RRM2: variants seen among roughly 807,000 people sequenced by gnomAD.
RRM2 encodes the protein ribonucleoside-diphosphate reductase subunit M2.
Under a neutral mutation model 45.9 loss-of-function variants are expected in RRM2, and 6 were observed. The observed-to-expected ratio is 0.13, with a 90% CI of 0.07 to 0.26. RRM2 has a LOEUF of 0.26. Among genes scored for constraint, RRM2 ranks in the 10% least tolerant of loss-of-function variants. The pLI, the probability that RRM2 is intolerant of heterozygous loss-of-function variation, is 1.00. For synonymous variants in RRM2, 177 were observed against 173.0 expected (o/e 1.02, Z -0.18); for missense variants, 343 against 489.5 (o/e 0.70, Z 2.82).
chr2:10,142,208 A>G (rs375650865), intron 2 of RRM2: 1 of 1,557,218 alleles, frequency 6.4e-7, no homozygotes, highest in African/African-American at 1.4e-5. Flanking sequence ...GGGTGTGTAC[A>G]TGCAGGTCTG....
chr2:10,136,069 A>C (rs1662984833), downstream of RRM2, among the ~76,000 whole-genome samples: 4 of 152,112 alleles, frequency 2.6e-5, no homozygotes, highest in South Asian at 6.2e-4. Flanking sequence ...TTGAGAGCTC[A>C]CATTCCTACC....
At chr2:10,152,428 A>G (rs1241719211) in intron 3 of RRM2, among the ~76,000 whole-genome samples, 1 of 150,420 alleles carries the variant, frequency 6.6e-6, no homozygotes, top group Admixed American at 6.6e-5. Context: ...GTGAAGTCCA[A>G]TTTACTGTTG....
chr2:10,157,922 G>A (rs1663468269), intron 3 of RRM2, among the ~76,000 whole-genome samples: 1 of 152,044 alleles, frequency 6.6e-6, no homozygotes, highest in Non-Finnish European at 1.5e-5. Flanking sequence ...TGGAACCTCG[G>A]GCATCACAGC....
intron 3 of RRM2, among the ~76,000 whole-genome samples, chr2:10,193,637 C>T (rs1032399882): frequency 1.3e-5 from 2 of 152,312 alleles, no homozygotes; most frequent in African/African-American, 4.8e-5. Context: ...GCCTACCACA[C>T]GCCCGGGGAC....
At chr2:10,161,185 G>A (rs1442371783) in intron 3 of RRM2, among the ~76,000 whole-genome samples, 1 of 152,144 alleles carries the variant, frequency 6.6e-6, no homozygotes, top group African/African-American at 2.4e-5. Flanking sequence ...AGCCTCCCAA[G>A]TAGCTGGGAC....
At chr2:10,153,329 G>A (rs890878119) in intron 3 of RRM2, among the ~76,000 whole-genome samples, 5 of 152,102 alleles carry the variant, frequency 3.3e-5, no homozygotes, top group African/African-American at 2.4e-5. Flanking sequence ...GTGAGGCCCT[G>A]TCTCCAAAAA....
intron 3 of RRM2, among the ~76,000 whole-genome samples, chr2:10,189,720 AC>A (rs904996788): frequency 2.6e-5 from 4 of 152,110 alleles, no homozygotes; most frequent in Non-Finnish European, 5.9e-5. Context: ...ACCACTACTG[AC>A]CTCACAGGGT....
At chr2:10,206,186 C>T (rs959922922) in intron 3 of RRM2, among the ~76,000 whole-genome samples, 1 of 148,652 alleles carries the variant, frequency 6.7e-6, no homozygotes, top group African/African-American at 2.5e-5. Flanking sequence ...GCGGAGCTTG[C>T]AGTGAGCTGA....
rs763595587 is a variant in RRM2, at chr2:10,126,938, G to T, written c.633G>T (p.Leu211Phe). The T allele has an allele frequency of 1.9e-6, 3 of 1,614,160 alleles. No homozygotes were observed. The highest frequency in any genetic ancestry group is 2.5e-6 in the Non-Finnish European group (3 of 1,180,014). ...TCAAGAAGAAGGCAGACTGGGCCTTGCGCTGGATTGGGGACAAAGAGGCTA... is the reference window on the plus strand; with the variant it reads ...TCAAGAAGAAGGCAGACTGGGCCTTTCGCTGGATTGGGGACAAAGAGGCTA... ...PCVKKKADWA[L>F]RWIGDKEATY... Residue 211 changes from leucine (L) to phenylalanine (F), a missense_variant, in exon 6 of 10, where the codon TTG (leucine) becomes TTT (phenylalanine). By Grantham distance (22) the Leu-to-Phe change is conservative. Coordinates refer to ENST00000304567, the MANE Select transcript of RRM2 (RefSeq NM_001034.4).
chr2:10,167,908 A>G (rs991845857), intron 3 of RRM2, among the ~76,000 whole-genome samples: 2 of 152,208 alleles, frequency 1.3e-5, no homozygotes, highest in Non-Finnish European at 2.9e-5. Flanking sequence ...TCTTGGAGAC[A>G]GCTCTAAAGC....
intron 3 of RRM2, among the ~76,000 whole-genome samples, chr2:10,200,654 A>AAAATATGAGGCCCACGGGGACCGCGCGCG (rs1558406960): frequency 9.6e-6 from 1 of 103,748 alleles, no homozygotes; most frequent in African/African-American, 4.9e-5. Flanking sequence ...CACCGCGCAC[A>AAAATATGAGGCCCACGGGGACCGCGCGCG]CAAAATATGA....
Position 10,127,855 on chromosome 2 carries a change from T to C in RRM2, c.798+635T>C, listed in dbSNP as rs553442939. Among the ~76,000 whole-genome samples, 4 of 152,108 alleles carry C rather than the reference T, an allele frequency of 2.6e-5. 1 individual carries two copies. The South Asian group carries it at 8.3e-4, about 32-fold the overall frequency. ...ATTTTTGCCTGGTATTAATATGTTA[T>C]CCCTTTTTCCGTAAAAATGTTCATA... On this transcript the variant is annotated intron_variant, in intron 7 of 9. Coordinates refer to ENST00000304567, the MANE Select transcript of RRM2 (RefSeq NM_001034.4). The surrounding 1 kb of genome is among the most constrained non-coding windows in gnomAD (Gnocchi z 4.1).
intron 3 of RRM2, among the ~76,000 whole-genome samples, chr2:10,176,418 G>A (rs1325571707): frequency 2.0e-5 from 3 of 152,104 alleles, no homozygotes; most frequent in Non-Finnish European, 4.4e-5. Flanking sequence ...ACAGACATAC[G>A]CCACCATGCC....
chr2:10,179,129 G>A lies in RRM2; in HGVS notation n.483-31182G>A, dbSNP rs115734178. Among the ~76,000 whole-genome samples the A allele has an allele frequency of 5.9e-3, 896 of 152,198 alleles. 10 individuals carry two copies. Among genetic ancestry groups the A allele is most frequent in the African/African-American group, 0.02 (842 of 41,516 alleles). On this transcript the variant is annotated intron_variant and non_coding_transcript_variant, in intron 3 of 3. Coordinates refer to the RRM2 transcript ENST00000381786. ...TGGTGTTTCTGGATTTGGACATACC[G>A]CAGTATGTCTGGCATTCATCCTTTT...
chr2:10,160,580 C>T (rs763998737), intron 3 of RRM2, among the ~76,000 whole-genome samples: 1 of 152,202 alleles, frequency 6.6e-6, no homozygotes, highest in Non-Finnish European at 1.5e-5. Flanking sequence ...CCCTCATGCC[C>T]AGCTCCTCTC....
At chr2:10,178,053 C>G (rs1203940193) in intron 3 of RRM2, among the ~76,000 whole-genome samples, 1 of 151,816 alleles carries the variant, frequency 6.6e-6, no homozygotes, top group Non-Finnish European at 1.5e-5. Context: ...TCCTGAGCAG[C>G]TGGGACTACA....
chr2:10,157,909 T>C (rs1663467794), intron 3 of RRM2, among the ~76,000 whole-genome samples: 1 of 152,206 alleles, frequency 6.6e-6, no homozygotes, highest in Admixed American at 6.5e-5. Context: ...GAATGCCTAA[T>C]GTTGGAACCT....
chr2:10,157,571 T>C (rs1047104553), intron 3 of RRM2, among the ~76,000 whole-genome samples: 7 of 152,216 alleles, frequency 4.6e-5, no homozygotes, highest in Admixed American at 1.3e-4. Context: ...TGGTACTTTA[T>C]GCAGACAGGA....
intron 3 of RRM2, among the ~76,000 whole-genome samples, chr2:10,207,106 A>G (rs1453557520): frequency 6.6e-6 from 1 of 152,216 alleles, no homozygotes; most frequent in Non-Finnish European, 1.5e-5. Flanking sequence ...CTGCTCTCCC[A>G]GCCCAGCGCC....
Sources: allele counts gnomAD v4.1 joint callset (sites outside exome capture counted in the v4.1 genomes callset), GRCh38; gene constraint gnomAD v4.1.1; non-coding constraint Gnocchi (gnomAD v3.1); transcripts MANE v1.5; gene names NCBI Gene and HGNC (gene_info 2026-07-23, HGNC 2026-07-21).